ASTN2: variants seen among roughly 807,000 people sequenced by gnomAD.
ASTN2 encodes astrotactin-2.
ASTN2 carries 54 observed loss-of-function variants against 139.8 expected under a neutral mutation model. That is an observed-to-expected ratio of 0.39 (90% CI 0.31 to 0.48). The LOEUF is 0.48. Among genes scored for constraint, ASTN2 ranks in the 20% least tolerant of loss-of-function variants. The pLI, the probability that ASTN2 is intolerant of heterozygous loss-of-function variation, is 0.95. For synonymous variants in ASTN2, 756 were observed against 719.5 expected, an observed-to-expected ratio of 1.05 and a Z score of -0.81; for missense variants, 1,565 against 1,725.1, an observed-to-expected ratio of 0.91 and a Z score of 1.64.
chr9:116,805,009 T>C (rs1269497956), intron 13 of ASTN2, among the ~76,000 whole-genome samples: 1 of 151,960 alleles, frequency 6.6e-6, no homozygotes, highest in African/African-American at 2.4e-5. Flanking sequence ...CCTTTACCAA[T>C]ATCTTGCATC....
At chr9:116,561,747 T>C (rs1303698715) in intron 19 of ASTN2, among the ~76,000 whole-genome samples, 1 of 152,212 alleles carries the variant, frequency 6.6e-6, no homozygotes, top group Non-Finnish European at 1.5e-5. Context: ...ATTTAATTGT[T>C]ACAGCATGAA....
At chr9:116,469,166 T>A (rs1848738470) in intron 20 of ASTN2, among the ~76,000 whole-genome samples, 1 of 152,118 alleles carries the variant, frequency 6.6e-6, no homozygotes. Context: ...ACTCAAAAAC[T>A]AATAGAATAA....
At chr9:117,041,270 A>C (rs1201801030) in intron 5 of ASTN2, among the ~76,000 whole-genome samples, 1 of 151,812 alleles carries the variant, frequency 6.6e-6, no homozygotes, top group Admixed American at 6.6e-5. Context: ...TTTTACTGCT[A>C]GGCTCTTCTT....
At chr9:117,306,340 G>C (rs1217503043) in intron 1 of ASTN2, among the ~76,000 whole-genome samples, 1 of 152,182 alleles carries the variant, frequency 6.6e-6, no homozygotes, top group Non-Finnish European at 1.5e-5. Flanking sequence ...GAAACTCAGA[G>C]AGAACAGGGG....
At chr9:117,071,602 C>A (rs1321266279) in intron 5 of ASTN2, among the ~76,000 whole-genome samples, 2 of 150,116 alleles carry the variant, frequency 1.3e-5, no homozygotes, top group Admixed American at 6.6e-5. Context: ...GGGCGCCCCT[C>A]CCCCAGCCTC....
rs1455911416 is a variant in ASTN2, at chr9:116,941,475, G to C, written c.1889+33733C>G. Among the ~76,000 whole-genome samples the C allele has an allele frequency of 2.0e-5, 3 of 151,740 alleles. No homozygotes were observed. In the East Asian group the frequency reaches 5.8e-4, roughly 29 times the overall value. ...GTCCTAGTTTGAGGGCTGCCAGCAG[G>C]AGAATCCCCTCTTACTCAGAGAAGG... is the stretch of plus-strand genomic sequence containing the variant. On this transcript the variant is annotated intron_variant, in intron 10 of 22. Transcript: ENST00000313400.
intron 1 of ASTN2, among the ~76,000 whole-genome samples, chr9:117,293,116 A>G (rs1834636452): frequency 6.6e-6 from 1 of 152,234 alleles, no homozygotes; most frequent in South Asian, 2.1e-4. Flanking sequence ...AACAACAAAC[A>G]AACCATGAGC....
At chr9:117,388,828 C>T (rs1830470883) in intron 1 of ASTN2, among the ~76,000 whole-genome samples, 1 of 152,122 alleles carries the variant, frequency 6.6e-6, no homozygotes, top group Non-Finnish European at 1.5e-5. Flanking sequence ...AAATTATATC[C>T]TTTCTATATC....
rs116534369 is a variant in ASTN2, at chr9:117,387,797, C to T, written c.442+26700G>A. ...GTGGGTTGTGGCATGCAGAGCAGGC[C>T]ACAAGAAAGTCATCACTTTTGCCAG... On this transcript the variant is annotated intron_variant, in intron 1 of 22. Transcript: ENST00000313400. 3.2e-3 allele frequency among the ~76,000 whole-genome samples: 488 copies of T among 152,194 alleles called. 3 individuals are homozygous for T. The highest frequency in any genetic ancestry group is 0.011 in the African/African-American group (467 of 41,500).
intron 2 of ASTN2, among the ~76,000 whole-genome samples, chr9:117,279,829 T>C (rs1834283046): frequency 6.6e-6 from 1 of 152,238 alleles, no homozygotes; most frequent in Non-Finnish European, 1.5e-5. Flanking sequence ...TTCCAGCTTA[T>C]GGTAGCTCTT....
chr9:117,041,482 C>T (rs566992414), intron 5 of ASTN2, among the ~76,000 whole-genome samples: 77 of 152,262 alleles, frequency 5.1e-4, no homozygotes, highest in African/African-American at 1.8e-3. Flanking sequence ...TTCTGTCTTC[C>T]TCCTTTACAG....
chr9:116,452,320 A>G (rs1260717354), intron 20 of ASTN2, among the ~76,000 whole-genome samples: 1 of 152,226 alleles, frequency 6.6e-6, no homozygotes, highest in Non-Finnish European at 1.5e-5. Flanking sequence ...TTCAGAAGGC[A>G]TAACTTGGAA....
rs529593333 is a variant in ASTN2 at position 116,512,870 on chromosome 9, T to C, written c.3356-25370A>G. Among the ~76,000 whole-genome samples the C allele has an allele frequency of 2.1e-4, 32 of 152,286 alleles. No homozygotes were observed. The Middle Eastern group carries it at 0.017, about 81-fold the overall frequency. ...TTTGCTTGGCAGATCTTCCTCCATC[T>C]CTTTATTTTGAGCCTATGTGTGTCT... On this transcript the variant is annotated intron_variant, in intron 19 of 22. Coordinates refer to ENST00000313400, the MANE Select transcript of ASTN2 (RefSeq NM_001365068.1).
chr9:117,037,194 C>A (rs1274386232), intron 6 of ASTN2, among the ~76,000 whole-genome samples: 1 of 152,048 alleles, frequency 6.6e-6, no homozygotes, highest in East Asian at 1.9e-4. Flanking sequence ...GAGGCAGAAA[C>A]AGACAATTCC....
At chr9:116,785,485 C>T (rs963782067) in intron 13 of ASTN2, among the ~76,000 whole-genome samples, 1 of 152,182 alleles carries the variant, frequency 6.6e-6, no homozygotes, top group African/African-American at 2.4e-5. Flanking sequence ...GGGGTTCCAT[C>T]ACACTATGGT....
intron 3 of ASTN2, among the ~76,000 whole-genome samples, chr9:117,163,093 G>A (rs1012375695): frequency 6.6e-6 from 1 of 152,006 alleles, no homozygotes; most frequent in Non-Finnish European, 1.5e-5. Flanking sequence ...CATCTACACG[G>A]AAGCCCCAGA....
At chr9:116,852,234 G>GC (rs1400458761) in intron 11 of ASTN2, among the ~76,000 whole-genome samples, 3 of 152,196 alleles carry the variant, frequency 2.0e-5, no homozygotes, top group Non-Finnish European at 2.9e-5. Context: ...CCTGGGTTTT[G>GC]CTCATGCCTG....
At chr9:116,588,375 T>G (rs1854244585) in intron 19 of ASTN2, among the ~76,000 whole-genome samples, 1 of 152,210 alleles carries the variant, frequency 6.6e-6, no homozygotes, top group Non-Finnish European at 1.5e-5. Flanking sequence ...TGGAGCAGAT[T>G]GACAGACCTG....
intron 2 of ASTN2, among the ~76,000 whole-genome samples, chr9:117,217,548 C>G (rs1305316509): frequency 6.6e-6 from 1 of 152,198 alleles, no homozygotes; most frequent in African/African-American, 2.4e-5. Context: ...TGGCATCAGA[C>G]TGACATGATT....
Sources: allele counts gnomAD v4.1 joint callset (sites outside exome capture counted in the v4.1 genomes callset), GRCh38; gene constraint gnomAD v4.1.1; transcripts MANE v1.5; gene names NCBI Gene and HGNC (gene_info 2026-07-23, HGNC 2026-07-21).